NEGR1: variants seen among roughly 807,000 people sequenced by gnomAD.
The protein encoded by NEGR1 is neuronal growth regulator 1.
A neutral mutation model predicts 40.9 loss-of-function variants in NEGR1; 10 were observed. The observed-to-expected ratio is 0.24, with a 90% confidence interval of 0.15 to 0.42. The LOEUF (loss-of-function observed/expected upper bound fraction) is 0.42, where lower values mean the gene tolerates loss of function less well. Among genes scored for constraint, NEGR1 ranks in the 10% least tolerant of loss-of-function variants. The pLI, the probability that NEGR1 is intolerant of heterozygous loss-of-function variation, is 1.00. For synonymous variants in NEGR1, 185 were observed against 166.8 expected (o/e 1.11, Z -0.84); for missense variants, 352 against 438.9 (o/e 0.80, Z 1.77).
intron 1 of NEGR1, among the ~76,000 whole-genome samples, chr1:72,247,550 A>T (rs2100524312): frequency 6.6e-6 from 1 of 152,296 alleles, no homozygotes; most frequent in Middle Eastern, 3.4e-3. Context: ...TAAGGCTAAC[A>T]CACATGACCT....
intron 5 of NEGR1, among the ~76,000 whole-genome samples, chr1:71,600,756 T>C (rs961583565): frequency 3.3e-5 from 5 of 152,228 alleles, no homozygotes; most frequent in African/African-American, 1.2e-4. Context: ...GTGAGGACTT[T>C]ATTCCAGGGA....
intron 1 of NEGR1, among the ~76,000 whole-genome samples, chr1:71,945,583 C>T (rs1302226853): frequency 6.6e-6 from 1 of 151,446 alleles, no homozygotes; most frequent in Non-Finnish European, 1.5e-5. Context: ...CATTTACTCC[C>T]CTTTGAACTG....
chr1:71,665,244 C>T (rs142210495), intron 4 of NEGR1, among the ~76,000 whole-genome samples: 3 of 152,268 alleles, frequency 2.0e-5, no homozygotes, highest in African/African-American at 7.2e-5. Context: ...TTTCATTCAT[C>T]TTTGCTGTCT....
intron 2 of NEGR1, among the ~76,000 whole-genome samples, chr1:71,915,528 T>G (rs1661551461): frequency 6.6e-6 from 1 of 152,166 alleles, no homozygotes; most frequent in African/African-American, 2.4e-5. Flanking sequence ...TGTACTGACT[T>G]TGTGTCCAGT....
chr1:71,863,570 G>T (rs190771339), intron 2 of NEGR1, among the ~76,000 whole-genome samples: 2 of 152,200 alleles, frequency 1.3e-5, no homozygotes, highest in East Asian at 3.9e-4. Context: ...TAACAAAACT[G>T]CATATCCTGA....
At chr1:72,005,084 A>G (rs571215289) in intron 1 of NEGR1, among the ~76,000 whole-genome samples, 31 of 152,286 alleles carry the variant, frequency 2.0e-4, no homozygotes, top group Admixed American at 6.5e-4. Flanking sequence ...CTGGTTAAGC[A>G]CTAGCCTGGC....
At chr1:72,100,357 C>T (rs868056824) in intron 1 of NEGR1, among the ~76,000 whole-genome samples, 8 of 152,132 alleles carry the variant, frequency 5.3e-5, no homozygotes, top group Admixed American at 1.3e-4. Context: ...TCAGTGCTTC[C>T]TCCGTTTTTA....
At chr1:72,013,990 G>GAAAAAAAAAAAAAAAA (rs1557483824) in intron 1 of NEGR1, among the ~76,000 whole-genome samples, 1 of 119,216 alleles carries the variant, frequency 8.4e-6, no homozygotes, top group African/African-American at 3.5e-5. Context: ...AAAAAAAAAG[G>GAAAAAAAAAAAAAAAA]AGGTTGGGGG....
intron 1 of NEGR1, among the ~76,000 whole-genome samples, chr1:72,227,757 A>C (rs1382684083): frequency 6.6e-6 from 1 of 152,082 alleles, no homozygotes; most frequent in South Asian, 2.1e-4. Context: ...AGATGACCAT[A>C]AAAAAAGCAT....
intron 1 of NEGR1, among the ~76,000 whole-genome samples, chr1:72,163,953 T>C (rs1367178166): frequency 6.6e-6 from 1 of 151,934 alleles, no homozygotes; most frequent in Admixed American, 6.6e-5. Context: ...ACCATGAAAC[T>C]GAATGTTCCC....
chr1:72,236,793 C>G (rs1405243364), intron 1 of NEGR1, among the ~76,000 whole-genome samples: 1 of 151,840 alleles, frequency 6.6e-6, no homozygotes, highest in Non-Finnish European at 1.5e-5. Flanking sequence ...CTGTAGTTTA[C>G]AGTAAAATTT....
At chr1:71,840,652 G>T (rs1220367896) in intron 2 of NEGR1, among the ~76,000 whole-genome samples, 1 of 152,044 alleles carries the variant, frequency 6.6e-6, no homozygotes, top group Non-Finnish European at 1.5e-5. Context: ...GTGGATAAAT[G>T]AACATCTGGG....
At chr1:71,888,346 G>A (rs949250143) in intron 2 of NEGR1, among the ~76,000 whole-genome samples, 19 of 152,110 alleles carry the variant, frequency 1.2e-4, no homozygotes, top group Admixed American at 1.0e-3. Flanking sequence ...GTGGGCGCAG[G>A]CCAGTGTGTG....
intron 3 of NEGR1, chr1:71,738,066 C>T (rs1369350107): frequency 2.0e-5 from 3 of 152,646 alleles, no homozygotes; most frequent in African/African-American, 7.2e-5. Context: ...TCCTAGGCTG[C>T]TATTATCCCA....
chr1:71,829,825 C>T (rs1451488014), intron 2 of NEGR1, among the ~76,000 whole-genome samples: 1 of 151,898 alleles, frequency 6.6e-6, no homozygotes, highest in Non-Finnish European at 1.5e-5. Context: ...TATTGCAGCA[C>T]AATCCTTCTC....
At chr1:71,929,468 T>A (rs1019006510) in intron 2 of NEGR1, among the ~76,000 whole-genome samples, 1 of 152,166 alleles carries the variant, frequency 6.6e-6, no homozygotes, top group Non-Finnish European at 1.5e-5. Flanking sequence ...CCATGTATAA[T>A]CTTGATCTCC....
intron 2 of NEGR1, among the ~76,000 whole-genome samples, chr1:71,812,545 C>A (rs1658040161): frequency 6.6e-6 from 1 of 152,124 alleles, no homozygotes; most frequent in Non-Finnish European, 1.5e-5. Context: ...TTCTCCACAG[C>A]CTTGCCAATA....
intron 1 of NEGR1, among the ~76,000 whole-genome samples, chr1:71,999,679 A>G (rs1487343388): frequency 4.5e-5 from 2 of 44,826 alleles, no homozygotes; most frequent in African/African-American, 1.3e-4. Flanking sequence ...ATATATATAT[A>G]CATACATATT....
intron 4 of NEGR1, among the ~76,000 whole-genome samples, chr1:71,633,773 G>A (rs780066155): frequency 6.6e-6 from 1 of 152,102 alleles, no homozygotes; most frequent in Non-Finnish European, 1.5e-5. Context: ...TGATTGGCAA[G>A]CTGTCAGCAG....
Sources: gnomAD v4.1 joint callset for allele counts (sites outside exome capture counted in the v4.1 genomes callset) on GRCh38, gnomAD v4.1.1 for gene constraint, MANE v1.5 for transcripts, NCBI Gene and HGNC (gene_info 2026-07-23, HGNC 2026-07-21) for gene names.